The following VPS13D variants were observed in gnomAD, a reference collection of about 807,000 sequenced individuals.
VPS13D encodes the protein intermembrane lipid transfer protein VPS13D.
VPS13D carries 187 observed loss-of-function variants against 461.9 expected under a neutral mutation model. The observed-to-expected ratio is 0.40, with a 90% CI of 0.36 to 0.46. VPS13D has a LOEUF of 0.46. VPS13D is among the 20% of genes least tolerant of loss of function. The pLI is 0.60. For synonymous variants in VPS13D, 1,951 were observed against 1,986.3 expected (o/e 0.98, Z 0.47); for missense variants, 4,711 against 5,364.9 (o/e 0.88, Z 3.81).
intron 68 of VPS13D, among the ~76,000 whole-genome samples, chr1:12,503,088 T>A (rs1447968503): frequency 1.3e-5 from 2 of 152,188 alleles, no homozygotes; most frequent in African/African-American, 4.8e-5. Context: ...AGGCTGCTGT[T>A]GATGCTACCA....
chr1:12,373,973 A>C (rs1644161639), intron 55 of VPS13D, 115 bp downstream of exon 55: 1 of 677,468 alleles, frequency 1.5e-6, no homozygotes, highest in Non-Finnish European at 2.3e-6. Context: ...ACTTGTGTGG[A>C]ACCCAGGCCT....
Position 12,368,561 on chromosome 1 carries a change from T to G in VPS13D, c.10542T>G (p.Pro3514=), listed in dbSNP as rs753466744. The G allele has an allele frequency of 1.1e-4, 181 of 1,613,238 alleles. No homozygotes were observed. Among genetic ancestry groups the G allele is most frequent in the Non-Finnish European group, 1.5e-4 (175 of 1,179,678 alleles). ...RISFSDTDQL[P]PPFRIDNFSK... is the part of the protein sequence containing the mutation. ...CATTTAGTGACACAGATCAGTTACCTCCTCCTTTCCGAATTGACAACTTTT... is the reference window on the plus strand; with the variant it reads ...CATTTAGTGACACAGATCAGTTACCGCCTCCTTTCCGAATTGACAACTTTT... Residue 3514 remains proline, a synonymous_variant, in exon 53 of 70, where the codon CCT becomes CCG. Coordinates refer to ENST00000620676, the MANE Select transcript of VPS13D (RefSeq NM_015378.4).
At chr1:12,329,800 C>G in intron 36 of VPS13D, 29 bp from the exon 37 acceptor site, 3 of 1,603,696 alleles carry the variant, frequency 1.9e-6, no homozygotes, top group Admixed American at 1.7e-5. Flanking sequence ...CCTGCCCTGC[C>G]GCTGCAGTAA....
intron 34 of VPS13D, among the ~76,000 whole-genome samples, chr1:12,322,960 G>T (rs1403030116): frequency 6.6e-6 from 1 of 151,816 alleles, no homozygotes; most frequent in African/African-American, 2.4e-5. Context: ...TCCTCTTTCA[G>T]TTTTTTCCAG....
rs41279460 is a variant in VPS13D at position 12,346,607 on chromosome 1, T to C, written c.9024T>C (p.Ile3008=). The part of the protein sequence containing the change: ...APDKNSSSST[I]GSPSSRTNII... ...CTAACTTTTGAAATCTTTTTCAGAT[T>C]GGCAGCCCAAGCAGCAGAACAAATA... Residue 3008 remains isoleucine (I), a splice_region_variant and synonymous_variant, in exon 44 of 70, where the codon ATT becomes ATC. Coordinates refer to ENST00000620676, the MANE Select transcript of VPS13D (RefSeq NM_015378.4). 0.014 allele frequency: 22,752 copies of C among 1,612,936 alleles called. 241 individuals are homozygous for C. Among genetic ancestry groups the C allele is most frequent in the Non-Finnish European group, 0.014 (16,784 of 1,179,606 alleles).
intron 67 of VPS13D, among the ~76,000 whole-genome samples, chr1:12,494,957 G>A (rs1190805866): frequency 6.6e-6 from 1 of 151,998 alleles, no homozygotes; most frequent in Non-Finnish European, 1.5e-5. Context: ...TCGTTTATTC[G>A]GCTTATCCTG....
intron 68 of VPS13D, among the ~76,000 whole-genome samples, chr1:12,506,552 C>T (rs1646110452): frequency 6.6e-6 from 1 of 152,244 alleles, no homozygotes; most frequent in Non-Finnish European, 1.5e-5. Context: ...GTTTCCCTCT[C>T]CTCTGCCAGG....
intron 65 of VPS13D, among the ~76,000 whole-genome samples, chr1:12,433,910 G>A (rs1645025052): frequency 1.3e-5 from 2 of 151,636 alleles, no homozygotes; most frequent in Admixed American, 6.6e-5. Context: ...GAGGAGGTAG[G>A]GGGTGGGGAG....
chr1:12,434,224 C>T (rs150236965), intron 65 of VPS13D, among the ~76,000 whole-genome samples: 7 of 152,096 alleles, frequency 4.6e-5, no homozygotes, highest in East Asian at 1.9e-4. Flanking sequence ...GTTGAAATGC[C>T]GTTGGTCAGC....
At chr1:12,500,764 G>A (rs902544370) in intron 68 of VPS13D, among the ~76,000 whole-genome samples, 2 of 151,122 alleles carry the variant, frequency 1.3e-5, no homozygotes, top group African/African-American at 4.8e-5. Flanking sequence ...ATGTTGCCCA[G>A]GCTGGTCCGA....
At chr1:12,260,015 CTTTTTTTTTTTTTTT>C (rs70987243) in intron 10 of VPS13D, among the ~76,000 whole-genome samples, 4 of 72,812 alleles carry the variant, frequency 5.5e-5, no homozygotes, top group African/African-American at 1.2e-4. Context: ...GCTTTAGTGA[CTTTTTTTTTTTTTTT>C]TTTTTTTTTT....
In VPS13D at chr1:12,261,154, G is replaced by A. The variant is rs190463258; in HGVS notation, c.1414+5G>A. The A allele has an allele frequency of 2.0e-4, 322 of 1,614,050 alleles. No individual in the cohort carries two copies. In the African/African-American group the frequency reaches 3.1e-3, roughly 16 times the overall value. Reference sequence around the variant, plus strand: ...GGATTCCTGAAGAGATCCTGGGTACGGTGGGAGCTGGCCTTCACTTGATTC... The same window carrying A: ...GGATTCCTGAAGAGATCCTGGGTACAGTGGGAGCTGGCCTTCACTTGATTC... On this transcript the variant is annotated splice_donor_5th_base_variant and intron_variant, in intron 12 of 69. Transcript: ENST00000620676.
chr1:12,451,076 A>T (rs1392782380), intron 65 of VPS13D, among the ~76,000 whole-genome samples: 1 of 152,250 alleles, frequency 6.6e-6, no homozygotes, highest in Non-Finnish European at 1.5e-5. Flanking sequence ...TGCTTGCTGA[A>T]GATCATAAAA....
intron 47 of VPS13D, 139 bp downstream of exon 47, chr1:12,354,360 T>C: frequency 1.8e-6 from 2 of 1,124,176 alleles, no homozygotes; most frequent in Non-Finnish European, 2.5e-6. Context: ...AAGGAATCAG[T>C]GCAGTTAAAA....
In VPS13D at chr1:12,373,904, C is replaced by G. The variant is rs147074311; in HGVS notation, c.10917+46C>G. On this transcript the variant is annotated intron_variant, in intron 55 of 69. Coordinates refer to ENST00000620676, the MANE Select transcript of VPS13D (RefSeq NM_015378.4). Reference sequence around the variant, plus strand: ...AGTTTAGAATACAAGGTTTTTAGCACTGGACGGGACTCAGGATCACCCAGT... The same window carrying G: ...AGTTTAGAATACAAGGTTTTTAGCAGTGGACGGGACTCAGGATCACCCAGT... The G allele has an allele frequency of 3.6e-4, 521 of 1,442,084 alleles. 3 individuals are homozygous for G. The African/African-American group carries it at 6.4e-3, about 18-fold the overall frequency. 89.3% of individuals were successfully genotyped at this position (1,442,084 alleles called of 1,614,324 possible). A position where few individuals can be genotyped will look rare whatever the true frequency, so the allele number is the denominator to read the frequency against.
chr1:12,334,301 C>T (rs1241666365), intron 38 of VPS13D, among the ~76,000 whole-genome samples: 1 of 152,188 alleles, frequency 6.6e-6, no homozygotes, highest in Non-Finnish European at 1.5e-5. Flanking sequence ...TTTCTCTAAA[C>T]TGTATTGTTT....
At chr1:12,385,478 T>C in intron 59 of VPS13D, 105 bp downstream of exon 59, 5 of 869,460 alleles carry the variant, frequency 5.8e-6, no homozygotes, top group Non-Finnish European at 8.8e-6. Context: ...TGTATGATTC[T>C]AAATATGAGT....
intron 57 of VPS13D, among the ~76,000 whole-genome samples, chr1:12,380,086 T>C (rs1644253436): frequency 6.6e-6 from 1 of 152,184 alleles, no homozygotes; most frequent in Non-Finnish European, 1.5e-5. Flanking sequence ...TGTGTATGTT[T>C]ACATGGGAAA....
At chr1:12,434,998 T>A (rs1645041710) in intron 65 of VPS13D, among the ~76,000 whole-genome samples, 1 of 152,236 alleles carries the variant, frequency 6.6e-6, no homozygotes, top group African/African-American at 2.4e-5. Context: ...CCATGCAGTT[T>A]ATGAAATAAA....
Sources: gnomAD v4.1 joint callset for allele counts (sites outside exome capture counted in the v4.1 genomes callset) on GRCh38, gnomAD v4.1.1 for gene constraint, MANE v1.5 for transcripts, NCBI Gene and HGNC (gene_info 2026-07-23, HGNC 2026-07-21) for gene names.